The following ATAD2B variants were observed in gnomAD, a reference collection of about 807,000 sequenced individuals.
The protein encoded by ATAD2B is ATPase family AAA domain containing 2B, also known as ATPase family AAA domain-containing protein 2B.
In ATAD2B, 40 loss-of-function variants were observed where a neutral mutation model predicts 167.6. The observed-to-expected ratio is 0.24, with a 90% CI of 0.19 to 0.31. The LOEUF (loss-of-function observed/expected upper bound fraction) is 0.31. ATAD2B is among the 10% of genes least tolerant of loss of function. The pLI is 1.00. For missense variants in ATAD2B, 1,242 were observed against 1,757.2 expected (o/e 0.71, Z 5.24); for synonymous variants, 579 against 596.5 (o/e 0.97, Z 0.43).
At chr2:23,921,095 A>C (rs1468718265) in intron 1 of ATAD2B, among the ~76,000 whole-genome samples, 1 of 148,646 alleles carries the variant, frequency 6.7e-6, no homozygotes, top group Admixed American at 6.9e-5. Flanking sequence ...AATGCCAGCT[A>C]CTTGGGAGGC....
rs2339919 is a variant in ATAD2B, at chr2:23,805,494, A to G, written c.2454+4822T>C. ...TTTAGCTGGTCCCACGTGAAGGGAT[A>G]TTCAGTTTGTTTGCCTTTATGTTTC... On this transcript the variant is annotated intron_variant, in intron 18 of 27. Coordinates refer to ENST00000238789, the MANE Select transcript of ATAD2B (RefSeq NM_017552.4). Among the ~76,000 whole-genome samples the G allele has an allele frequency of 9.2e-3, 1,395 of 152,314 alleles. 12 individuals are homozygous for G. The highest frequency in any genetic ancestry group is 0.024 in the South Asian group (115 of 4,828).
intron 9 of ATAD2B, 39 bp downstream of exon 9, chr2:23,869,624 T>G: frequency 7.0e-7 from 1 of 1,435,342 alleles, no homozygotes; most frequent in Non-Finnish European, 9.6e-7. Context: ...TATTTTTCCT[T>G]TTTTCTACCA....
At position 23,926,964 on chromosome 2, in the gene ATAD2B, C is replaced by T; in HGVS notation, c.-194G>A. 3.2e-6 allele frequency: 2 copies of T among 619,540 alleles called. No individual in the cohort carries two copies. Among genetic ancestry groups the T allele is most frequent in the South Asian group, 2.5e-5 (1 of 40,346 alleles). The allele number at this position is 619,540 out of a possible 1,614,324, so 38.4% of individuals were successfully genotyped here. On this transcript the variant is annotated 5_prime_UTR_variant, in exon 1 of 28. Transcript: ENST00000238789. Reference sequence around the variant, plus strand: ...GAAGTCGGCGTGAGCAGGCGGCGTGCGGGAAGCGGGGGCGGTGCTGCAGAC... The same window carrying T: ...GAAGTCGGCGTGAGCAGGCGGCGTGTGGGAAGCGGGGGCGGTGCTGCAGAC...
the ATAD2B span, chr2:23,706,459 TG>T: frequency 6.9e-7 from 1 of 1,440,814 alleles, no homozygotes. Context: ...TGCCTAACTC[TG>T]TCCCCGCTTT....
chr2:23,889,040 T>C (rs1486459228), intron 2 of ATAD2B, among the ~76,000 whole-genome samples: 3 of 152,176 alleles, frequency 2.0e-5, no homozygotes, highest in Non-Finnish European at 4.4e-5. Flanking sequence ...AAAAACTAAA[T>C]TGCTGCATAA....
chr2:23,738,830 G>A, the ATAD2B span, among the ~76,000 whole-genome samples: 1 of 152,134 alleles, frequency 6.6e-6, no homozygotes, highest in African/African-American at 2.4e-5. Context: ...ACACACATAG[G>A]CTCAAAATAA....
intron 13 of ATAD2B, among the ~76,000 whole-genome samples, chr2:23,848,428 C>T (rs564870670): frequency 2.6e-5 from 4 of 151,992 alleles, no homozygotes; most frequent in Admixed American, 2.0e-4. Context: ...TGCAGTGAGC[C>T]GAGACTGCGC....
Position 23,760,699 on chromosome 2 carries a change from T to TACACACAC in ATAD2B, c.3394+1502_3394+1509dup, listed in dbSNP as rs1238984150. 9.4e-4 allele frequency among the ~76,000 whole-genome samples: 116 copies of TACACACAC among 123,692 alleles called. 1 individual carries two copies. Among genetic ancestry groups the TACACACAC allele is most frequent in the South Asian group, 3.5e-3 (13 of 3,676 alleles). The allele number at this position is 123,692 out of a possible 152,430, so 81.1% of individuals were successfully genotyped here. On this transcript the variant is annotated intron_variant, in intron 24 of 27. Coordinates refer to ENST00000238789, the MANE Select transcript of ATAD2B (RefSeq NM_017552.4). Reference sequence around the variant, plus strand: ...AAAAAAATAAATAAATTTATATATATACACACACACACACACACACACACA... The same window carrying TACACACAC: ...AAAAAAATAAATAAATTTATATATATACACACACACACACACACACACACACACACACA...
chr2:23,765,176 G>A (rs147237469), intron 23 of ATAD2B, among the ~76,000 whole-genome samples: 1,616 of 152,274 alleles, frequency 0.011, 14 homozygotes, highest in Middle Eastern at 0.017. Flanking sequence ...GTACCAGAAA[G>A]TAAACTGATG....
the ATAD2B span, among the ~76,000 whole-genome samples, chr2:23,715,073 A>G: frequency 6.6e-6 from 1 of 152,174 alleles, no homozygotes; most frequent in Admixed American, 6.5e-5. Flanking sequence ...CATATAAACT[A>G]AAACAACCAA....
At chr2:23,813,122 C>T (rs1396520443) in intron 17 of ATAD2B, among the ~76,000 whole-genome samples, 1 of 151,736 alleles carries the variant, frequency 6.6e-6, no homozygotes, top group Admixed American at 6.6e-5. Flanking sequence ...TATACTGAAA[C>T]ATATTATAGA....
chr2:23,866,953 T>A (rs1046326513), intron 10 of ATAD2B, among the ~76,000 whole-genome samples: 5 of 152,020 alleles, frequency 3.3e-5, no homozygotes, highest in Admixed American at 6.6e-5. Flanking sequence ...GTCCTCCGAG[T>A]CTTGTGCCTG....
chr2:23,693,633 TCTCC>T, the ATAD2B span: 1 of 1,198,284 alleles, frequency 8.3e-7, no homozygotes, highest in Non-Finnish European at 1.2e-6. Flanking sequence ...CTTGTCCTGC[TCTCC>T]CTAAGTGGCA....
chr2:23,872,531 TGAGAGTCCTTCA>T, intron 8 of ATAD2B: 4 of 903,858 alleles, frequency 4.4e-6, no homozygotes, highest in Non-Finnish European at 7.3e-6. Flanking sequence ...GCTCTGGCTT[TGAGAGTCCTTCA>T]GACTCTCACA....
intron 15 of ATAD2B, 114 bp from the exon 16 acceptor site, chr2:23,823,683 A>C: frequency 2.2e-6 from 2 of 917,250 alleles, no homozygotes; most frequent in Non-Finnish European, 1.6e-6. Context: ...TAAATCAATA[A>C]CTATGTGCAA....
intron 13 of ATAD2B, among the ~76,000 whole-genome samples, chr2:23,841,520 C>G (rs1301089171): frequency 6.6e-6 from 1 of 151,276 alleles, no homozygotes; most frequent in Non-Finnish European, 1.5e-5. Context: ...GAATTTTTTT[C>G]TTTTCTTTGT....
chr2:23,678,950 G>A, the ATAD2B span, among the ~76,000 whole-genome samples: 7 of 151,936 alleles, frequency 4.6e-5, no homozygotes, highest in Admixed American at 1.3e-4. Context: ...TGGAGTTTCC[G>A]TTTGTGAAGA....
chr2:23,765,976 C>T (rs1374638650), intron 22 of ATAD2B, among the ~76,000 whole-genome samples: 1 of 152,072 alleles, frequency 6.6e-6, no homozygotes, highest in Non-Finnish European at 1.5e-5. Context: ...TCACCAAATG[C>T]CCAGCCCCAG....
rs199581733 is a variant in ATAD2B, at chr2:23,754,794, A to G, written c.4079-20T>C. On this transcript the variant is annotated intron_variant, in intron 25 of 27. Coordinates refer to ENST00000238789, the MANE Select transcript of ATAD2B (RefSeq NM_017552.4). The stretch of plus-strand genomic sequence containing the variant: ...AAGCACCTATAATTGAGACAAAAAA[A>G]TACACTGCAGCAAGTAAAAGTTAAG... 52 of 1,604,302 alleles carry G rather than the reference A, an allele frequency of 3.2e-5. No individual in the cohort carries two copies. In the Middle Eastern group the frequency reaches 6.7e-4, roughly 21 times the overall value.
Sources: allele counts gnomAD v4.1 joint callset (sites outside exome capture counted in the v4.1 genomes callset), GRCh38; gene constraint gnomAD v4.1.1; transcripts MANE v1.5; gene names NCBI Gene and HGNC (gene_info 2026-07-23, HGNC 2026-07-21).